Variants in RABGAP1L observed in about 807,000 individuals in gnomAD.
RABGAP1L encodes the protein rab GTPase-activating protein 1-like.
RABGAP1L carries 63 observed loss-of-function variants against 137.7 expected under a neutral mutation model. The observed-to-expected ratio is 0.46, with a 90% CI of 0.37 to 0.56. The LOEUF (loss-of-function observed/expected upper bound fraction) is 0.56. Among genes scored for constraint, RABGAP1L ranks in the 20% least tolerant of loss-of-function variants. The pLI is 0.00. For missense variants in RABGAP1L, 1,095 were observed against 1,244.0 expected, an observed-to-expected ratio of 0.88 and a Z score of 1.80; for synonymous variants, 431 against 433.7, an observed-to-expected ratio of 0.99 and a Z score of 0.08.
At chr1:174,821,022 G>GA (rs57317428) in intron 19 of RABGAP1L, among the ~76,000 whole-genome samples, 11 of 146,680 alleles carry the variant, frequency 7.5e-5, no homozygotes, top group African/African-American at 2.8e-4. Flanking sequence ...ATCTCAAAAA[G>GA]AAAAAAAAAA....
At chr1:174,654,899 C>T (rs993745000) in intron 14 of RABGAP1L, among the ~76,000 whole-genome samples, 4 of 151,918 alleles carry the variant, frequency 2.6e-5, no homozygotes, top group Non-Finnish European at 1.5e-5. Context: ...TGTTGATACT[C>T]TCCTTTTTCC....
intron 11 of RABGAP1L, among the ~76,000 whole-genome samples, chr1:174,350,529 T>G (rs1683055115): frequency 7.7e-6 from 1 of 129,828 alleles, no homozygotes; most frequent in Non-Finnish European, 1.6e-5. Flanking sequence ...TTCCTAGATG[T>G]GATGGCGGCT....
chr1:174,986,225 G>A (rs1215009582), intron 24 of RABGAP1L, among the ~76,000 whole-genome samples: 1 of 152,060 alleles, frequency 6.6e-6, no homozygotes, highest in Non-Finnish European at 1.5e-5. Flanking sequence ...TGGGATTAAC[G>A]GGCATGAGCC....
At chr1:174,240,929 T>C (rs1671758898) in intron 4 of RABGAP1L, among the ~76,000 whole-genome samples, 1 of 101,036 alleles carries the variant, frequency 9.9e-6, no homozygotes, top group Non-Finnish European at 1.8e-5. Context: ...TTTATGTGTA[T>C]GTGTGTGTTT....
chr1:174,670,204 AATTT>A (rs1418051358), intron 14 of RABGAP1L, among the ~76,000 whole-genome samples: 4 of 151,938 alleles, frequency 2.6e-5, no homozygotes, highest in Admixed American at 6.6e-5. Context: ...TCCTTGGTTA[AATTT>A]ATTCCTAAAT....
chr1:174,596,676 C>T (rs1414047479), intron 13 of RABGAP1L, among the ~76,000 whole-genome samples: 1 of 152,154 alleles, frequency 6.6e-6, no homozygotes, highest in East Asian at 1.9e-4. Context: ...GATAATTTGA[C>T]TTCTTCCATT....
chr1:174,366,330 T>C lies in RABGAP1L; in HGVS notation c.1466-4649T>C, dbSNP rs530942570. Among the ~76,000 whole-genome samples the C allele has an allele frequency of 2.0e-4, 31 of 152,322 alleles. No homozygotes were observed. In the South Asian group the frequency reaches 4.6e-3, roughly 22 times the overall value. ...CAAGTTACTACTTCCTCTTATGCTT[T>C]CTTTTACTAACCAAATTTTCAGATT... On this transcript the variant is annotated intron_variant, in intron 11 of 25. Coordinates refer to ENST00000681986, the MANE Select transcript of RABGAP1L (RefSeq NM_001366446.1).
intron 18 of RABGAP1L, among the ~76,000 whole-genome samples, chr1:174,776,156 G>A (rs1334015299): frequency 6.6e-6 from 1 of 152,232 alleles, no homozygotes; most frequent in East Asian, 1.9e-4. Flanking sequence ...GATAACTTGA[G>A]ATCAGGAGTT....
In RABGAP1L at chr1:174,827,463, G is replaced by A. The variant is rs1452103134; in HGVS notation, c.2340+15503G>A. ...GGATTTCAACATATTAATTGGGGGGGCACAATTCACCCCATAACAGTGTTG... is the reference window on the plus strand; with the variant it reads ...GGATTTCAACATATTAATTGGGGGGACACAATTCACCCCATAACAGTGTTG... On this transcript the variant is annotated intron_variant, in intron 19 of 25. Coordinates refer to ENST00000681986, the MANE Select transcript of RABGAP1L (RefSeq NM_001366446.1). Among the ~76,000 whole-genome samples the A allele has an allele frequency of 4.0e-5, 6 of 149,404 alleles. 2 individuals carry two copies. Among genetic ancestry groups the A allele is most frequent in the Non-Finnish European group, 9.0e-5 (6 of 66,962 alleles).
chr1:174,432,559 G>A (rs1245364202), intron 13 of RABGAP1L, among the ~76,000 whole-genome samples: 1 of 152,032 alleles, frequency 6.6e-6, no homozygotes, highest in East Asian at 1.9e-4. Context: ...TTCTTTTTGA[G>A]AAGGAGTCTC....
chr1:174,613,034 G>C (rs1409828475), intron 13 of RABGAP1L, among the ~76,000 whole-genome samples: 1 of 151,280 alleles, frequency 6.6e-6, no homozygotes, highest in African/African-American at 2.4e-5. Context: ...TTTTTTGAAG[G>C]GTTTTTTGTG....
At chr1:174,757,108 G>A (rs1308520556) in intron 18 of RABGAP1L, 7 of 486,538 alleles carry the variant, frequency 1.4e-5, no homozygotes, top group Non-Finnish European at 2.1e-5. Flanking sequence ...GGTGCTTTTG[G>A]GAGGTTGTAA....
In RABGAP1L at chr1:174,422,266, A is replaced by T. The variant is rs529087947; in HGVS notation, c.1710+28121A>T. The stretch of plus-strand genomic sequence containing the variant: ...GATTCTGTGGTTTCTTCTATTTTAT[A>T]TATATTATACATGAAACAAACCAGA... On this transcript the variant is annotated intron_variant, in intron 13 of 25. Coordinates refer to ENST00000681986, the MANE Select transcript of RABGAP1L (RefSeq NM_001366446.1). Among the ~76,000 whole-genome samples the T allele has an allele frequency of 1.4e-4, 21 of 152,080 alleles. No homozygotes were observed. In the South Asian group the frequency reaches 2.3e-3, roughly 17 times the overall value.
intron 13 of RABGAP1L, among the ~76,000 whole-genome samples, chr1:174,419,895 C>T (rs4652425): frequency 1.3e-5 from 2 of 151,766 alleles, no homozygotes; most frequent in East Asian, 1.9e-4. Flanking sequence ...TTTTTGATTC[C>T]GGCTGCTTCT....
intron 15 of RABGAP1L, among the ~76,000 whole-genome samples, chr1:174,697,690 G>C (rs1272793543): frequency 1.3e-5 from 2 of 152,140 alleles, no homozygotes; most frequent in African/African-American, 4.8e-5. Context: ...AAGATGAAGA[G>C]GCTTACACCT....
chr1:174,161,390 G>T (rs1280379256), intron 1 of RABGAP1L, among the ~76,000 whole-genome samples: 1 of 151,896 alleles, frequency 6.6e-6, no homozygotes, highest in Non-Finnish European at 1.5e-5. Context: ...CTACAGGCAT[G>T]CGCCGCCACG....
intron 19 of RABGAP1L, among the ~76,000 whole-genome samples, chr1:174,864,926 G>A (rs780957365): frequency 1.1e-3 from 171 of 152,192 alleles, no homozygotes; most frequent in Middle Eastern, 6.8e-3. Context: ...AGACCAGCCC[G>A]GACAACATTG....
intron 1 of RABGAP1L, among the ~76,000 whole-genome samples, chr1:174,181,462 C>T (rs1217627366): frequency 1.3e-5 from 2 of 151,954 alleles, no homozygotes; most frequent in Non-Finnish European, 1.5e-5. Context: ...CTCAGCCTCC[C>T]GAGTAGCTGG....
At chr1:174,636,126 A>G (rs1316010468) in intron 13 of RABGAP1L, among the ~76,000 whole-genome samples, 1 of 152,228 alleles carries the variant, frequency 6.6e-6, no homozygotes, top group Non-Finnish European at 1.5e-5. Context: ...ATTTCTAGGA[A>G]TAAAATAAAA....
Sources: allele counts gnomAD v4.1 joint callset (sites outside exome capture counted in the v4.1 genomes callset), GRCh38; gene constraint gnomAD v4.1.1; transcripts MANE v1.5; gene names NCBI Gene and HGNC (gene_info 2026-07-23, HGNC 2026-07-21).